SMIM17: variants seen among roughly 807,000 people sequenced by gnomAD.
The protein encoded by SMIM17 is small integral membrane protein 17.
A neutral mutation model predicts 12.2 loss-of-function variants in SMIM17; 10 were observed. The ratio of observed to expected loss-of-function variants is 0.82; its 90% CI spans 0.50 to 1.39. The LOEUF is 1.39. Ranked by LOEUF, SMIM17 falls within the 40% of genes most tolerant of loss-of-function variation. SMIM17 has a pLI of 0.00. For missense variants in SMIM17, 136 were observed against 118.2 expected (o/e 1.15, Z -0.70); for synonymous variants, 50 against 44.1 (o/e 1.13, Z -0.53).
chr19:56,645,009 C>G lies in SMIM17; in HGVS notation c.-100-559C>G, dbSNP rs1047607704. ...TACAGGTGTGAGCCACCTCGCCTGGCTGATTTATTTATTAATTCATGTCGT... is the reference window on the plus strand; with the variant it reads ...TACAGGTGTGAGCCACCTCGCCTGGGTGATTTATTTATTAATTCATGTCGT... On this transcript the variant is annotated intron_variant, in intron 1 of 3. Coordinates refer to ENST00000598409, the MANE Select transcript of SMIM17 (RefSeq NM_001193628.2). Among the ~76,000 whole-genome samples, 35 of 152,310 alleles carry G rather than the reference C, an allele frequency of 2.3e-4. 1 individual carries two copies. The highest frequency in any genetic ancestry group is 8.4e-4 in the African/African-American group (35 of 41,564).
intron 2 of SMIM17, among the ~76,000 whole-genome samples, chr19:56,646,484 G>A (rs540217615): frequency 6.6e-6 from 1 of 152,164 alleles, no homozygotes; most frequent in African/African-American, 2.4e-5. Context: ...CTTGTGGGGA[G>A]AAGCCAGTAG....
chr19:56,651,984 A>C (rs1037188165), intron 3 of SMIM17, among the ~76,000 whole-genome samples: 27 of 151,764 alleles, frequency 1.8e-4, no homozygotes, highest in African/African-American at 6.5e-4. Context: ...CATGCCTGTA[A>C]TCCCAGCTAC....
intron 3 of SMIM17, among the ~76,000 whole-genome samples, chr19:56,652,397 G>A (rs1211514687): frequency 2.6e-5 from 4 of 152,074 alleles, no homozygotes; most frequent in Non-Finnish European, 4.4e-5. Context: ...GCTCACGCCC[G>A]TAATCCTAGC....
intron 3 of SMIM17, among the ~76,000 whole-genome samples, chr19:56,649,146 G>T (rs1325657829): frequency 2.6e-5 from 4 of 152,214 alleles, no homozygotes; most frequent in African/African-American, 9.6e-5. Context: ...ACCACACCTG[G>T]AGTTTTCGGG....
At chr19:56,645,912 ATTCACTCC>A in intron 2 of SMIM17, 76 bp downstream of exon 2, 1 of 1,394,614 alleles carries the variant, frequency 7.2e-7, no homozygotes, top group Non-Finnish European at 9.5e-7. Flanking sequence ...AAGACTAAAC[ATTCACTCC>A]TTCACTCATC....
At chr19:56,647,780 A>G (rs1476042092) in intron 3 of SMIM17, 146 bp downstream of exon 3, 1 of 689,978 alleles carries the variant, frequency 1.4e-6, no homozygotes, top group East Asian at 2.7e-5. Context: ...TGGTGATCAG[A>G]CACAGACTGG....
chr19:56,655,401 ATG>A lies in SMIM17; in HGVS notation c.*189_*190del. The A allele has an allele frequency of 2.1e-6, 1 of 480,318 alleles. No homozygotes were observed. The allele number at this position is 480,318 out of a possible 1,614,324, so 29.8% of individuals were successfully genotyped here. On this transcript the variant is annotated 3_prime_UTR_variant, in exon 4 of 4. Coordinates refer to ENST00000598409, the MANE Select transcript of SMIM17 (RefSeq NM_001193628.2). ...TTTTCACATACTTTATTTCCATGAA[ATG>A]AAGACATCATTGATTGTAAAACATT...
chr19:56,643,971 G>A (rs1180119655), intron 1 of SMIM17, among the ~76,000 whole-genome samples: 1 of 152,048 alleles, frequency 6.6e-6, no homozygotes, highest in African/African-American at 2.4e-5. Context: ...TGACTTGTTT[G>A]CTATTTCACC....
rs563808472 is a variant in SMIM17 at position 56,656,187 on chromosome 19, G to A, written c.*974G>A. On this transcript the variant is annotated 3_prime_UTR_variant, in exon 4 of 4. Transcript: ENST00000598409. ...TCTCGATCTCCTGACCTCGTGATCC[G>A]CCCGCCTTGGCCTCCCAAAGTGCTG... is the stretch of plus-strand genomic sequence containing the variant. Among the ~76,000 whole-genome samples, 200 of 152,018 alleles carry A rather than the reference G, an allele frequency of 1.3e-3. No homozygotes were observed. The highest frequency in any genetic ancestry group is 0.01 in the Middle Eastern group (3 of 294).
intron 3 of SMIM17, among the ~76,000 whole-genome samples, chr19:56,652,711 G>A (rs1257100366): frequency 6.6e-6 from 1 of 151,848 alleles, no homozygotes; most frequent in Non-Finnish European, 1.5e-5. Context: ...TGAGTCAGTG[G>A]AGTGGCCTTT....
At position 56,655,249 on chromosome 19, in the gene SMIM17, A is replaced by G; in HGVS notation, c.*36A>G. 1.4e-6 allele frequency: 1 copy of G among 693,462 alleles called. No individual in the cohort carries two copies. The highest frequency in any genetic ancestry group is 2.6e-6 in the Non-Finnish European group (1 of 378,784). 43.0% of individuals were successfully genotyped at this position (693,462 alleles called of 1,614,324 possible). ...GGCTGTTGTTTTAAAAGTTTAATTT[A>G]ATGAAATAGATGCCCTATGTCATGT... On this transcript the variant is annotated 3_prime_UTR_variant, in exon 4 of 4. Coordinates refer to ENST00000598409, the MANE Select transcript of SMIM17 (RefSeq NM_001193628.2).
In SMIM17 at chr19:56,645,845, C is replaced by T. The variant is rs1360217569; in HGVS notation, c.169+9C>T. 6.6e-7 allele frequency: 1 copy of T among 1,526,238 alleles called. No individual in the cohort carries two copies. Among genetic ancestry groups the T allele is most frequent in the East Asian group, 2.5e-5 (1 of 40,654 alleles). 94.5% of individuals were successfully genotyped at this position (1,526,238 alleles called of 1,614,324 possible). The stretch of plus-strand genomic sequence containing the variant: ...TGACAGTGATGAGAAAGGTGAGAGG[C>T]AGGGGTCCTTTGGGAGGTGAGTGGG... On this transcript the variant is annotated intron_variant, in intron 2 of 3. Coordinates refer to ENST00000598409, the MANE Select transcript of SMIM17 (RefSeq NM_001193628.2).
Position 56,645,805 on chromosome 19 carries a change from T to TG in SMIM17, c.142dup (p.Ala48GlyfsTer5). On this transcript the variant is annotated frameshift_variant, in exon 2 of 4. Transcript: ENST00000598409. LOFTEE classifies it high-confidence loss of function. ...CCAAAGACTGGGAGGCTGTGGAGGTTGGGGCCTCCAGCCATGACAGTGATG... is the reference window on the plus strand; with the variant it reads ...CCAAAGACTGGGAGGCTGTGGAGGTTGGGGGCCTCCAGCCATGACAGTGATG... The TG allele has an allele frequency of 6.5e-7, 1 of 1,535,554 alleles. No homozygotes were observed. Among genetic ancestry groups the TG allele is most frequent in the South Asian group, 1.2e-5 (1 of 83,932 alleles).
intron 2 of SMIM17, among the ~76,000 whole-genome samples, chr19:56,646,602 A>C (rs1285157303): frequency 6.6e-6 from 1 of 152,132 alleles, no homozygotes; most frequent in African/African-American, 2.4e-5. Flanking sequence ...CCTGAGTCTC[A>C]CTGCATGTGA....
rs1377662687 is a variant in SMIM17, at chr19:56,656,439, A to G, written c.*1226A>G. Reference sequence around the variant, plus strand: ...TTATCTAGCTTACTATTGTTTTTCCAAAGAACCAACATTAGGATTCATTTA... The same window carrying G: ...TTATCTAGCTTACTATTGTTTTTCCGAAGAACCAACATTAGGATTCATTTA... On this transcript the variant is annotated 3_prime_UTR_variant, in exon 4 of 4. Transcript: ENST00000598409. 6.6e-6 allele frequency among the ~76,000 whole-genome samples: 1 copy of G among 152,150 alleles called. No homozygotes were observed. Among genetic ancestry groups the G allele is most frequent in the Non-Finnish European group, 1.5e-5 (1 of 68,032 alleles).
At chr19:56,651,050 C>T (rs2045105415) in intron 3 of SMIM17, among the ~76,000 whole-genome samples, 1 of 152,178 alleles carries the variant, frequency 6.6e-6, no homozygotes, top group African/African-American at 2.4e-5. Flanking sequence ...CTGCAGACAA[C>T]CACCCTCTTT....
At position 56,655,450 on chromosome 19, in the gene SMIM17, G is replaced by C. The variant is rs2045142631; in HGVS notation, c.*237G>C. 1 of 417,916 alleles carries C rather than the reference G, an allele frequency of 2.4e-6. No homozygotes were observed. The highest frequency in any genetic ancestry group is 4.2e-6 in the Non-Finnish European group (1 of 237,806). The allele number at this position is 417,916 out of a possible 1,614,324, so 25.9% of individuals were successfully genotyped here. On this transcript the variant is annotated 3_prime_UTR_variant, in exon 4 of 4. Coordinates refer to ENST00000598409, the MANE Select transcript of SMIM17 (RefSeq NM_001193628.2). ...CATTATTTTGTATACCACGGAGAAA[G>C]AAAAGTGCTAATTAATCATTAAGAT...
At position 56,652,599 on chromosome 19, in the gene SMIM17, C is replaced by G. The variant is rs1464375549; in HGVS notation, c.247-2504C>G. ...CCCAGGAGGCACAGGTTGCAGTGAG[C>G]TGAGATTGCACCACTGCCCTCCAGC... On this transcript the variant is annotated intron_variant, in intron 3 of 3. Coordinates refer to ENST00000598409, the MANE Select transcript of SMIM17 (RefSeq NM_001193628.2). Among the ~76,000 whole-genome samples the G allele has an allele frequency of 2.0e-5, 3 of 151,756 alleles. No homozygotes were observed. The East Asian group carries it at 5.8e-4, about 30-fold the overall frequency.
At chr19:56,647,431 G>A (rs1270710068) in intron 2 of SMIM17, 127 bp from the exon 3 acceptor site, 2 of 381,584 alleles carry the variant, frequency 5.2e-6, no homozygotes, top group Non-Finnish European at 9.1e-6. Context: ...GAGAGAGAGA[G>A]AGAGAGAGAG....
Sources: gnomAD v4.1 joint callset for allele counts (sites outside exome capture counted in the v4.1 genomes callset) on GRCh38, gnomAD v4.1.1 for gene constraint, MANE v1.5 for transcripts, NCBI Gene and HGNC (gene_info 2026-07-23, HGNC 2026-07-21) for gene names.